Variants in PPP2R2C observed in about 807,000 individuals in gnomAD.
PPP2R2C encodes the protein protein phosphatase 2 regulatory subunit Bgamma.
Under a neutral mutation model 45.3 loss-of-function variants are expected in PPP2R2C, and 10 were observed. The ratio of observed to expected loss-of-function variants is 0.22; its 90% CI spans 0.14 to 0.37. The LOEUF is 0.37. Ranked by LOEUF, PPP2R2C falls within the 10% of genes least tolerant of loss-of-function variation. PPP2R2C has a pLI of 1.00. For missense variants in PPP2R2C, 308 were observed against 619.7 expected (o/e 0.50, Z 5.34); for synonymous variants, 257 against 245.4 (o/e 1.05, Z -0.44).
chr4:6,355,949 G>C (rs376618695), intron 5 of PPP2R2C, among the ~76,000 whole-genome samples: 5 of 139,834 alleles, frequency 3.6e-5, no homozygotes, highest in African/African-American at 1.3e-4. Context: ...AGCTGAGATC[G>C]TGCCACGTAT....
In PPP2R2C at chr4:6,472,428, G is replaced by C. The variant is rs1396814756; in HGVS notation, c.-199C>G. 1 of 647,384 alleles carries C rather than the reference G, an allele frequency of 1.5e-6. No homozygotes were observed. Among genetic ancestry groups the C allele is most frequent in the Non-Finnish European group, 1.9e-6 (1 of 523,910 alleles). 40.1% of individuals were successfully genotyped at this position (647,384 alleles called of 1,614,324 possible). A position where few individuals can be genotyped will look rare whatever the true frequency, so the allele number is the denominator to read the frequency against. ...GGCGCCGCGGTCAAGCGAGCGCGCG[G>C]TGGGCGGGCGGCGGCCGCGGGTTCG... On this transcript the variant is annotated 5_prime_UTR_variant, in exon 1 of 9. Coordinates refer to ENST00000382599, the MANE Select transcript of PPP2R2C (RefSeq NM_020416.4).
chr4:6,329,607 C>T lies in PPP2R2C; in HGVS notation c.961-254G>A, dbSNP rs563147188. On this transcript the variant is annotated intron_variant, in intron 7 of 8. Transcript: ENST00000382599. This position sits in a 1 kb window ranked among gnomAD's most constrained non-coding sequence, Gnocchi z 5.8. ...CCCAATACAGCCCTGCTCATCTTAT[C>T]GGGGGGCCCACGACCAGGCACACGG... Among the ~76,000 whole-genome samples, 20 of 129,322 alleles carry T rather than the reference C, an allele frequency of 1.5e-4. No individual in the cohort carries two copies. The South Asian group carries it at 1.9e-3, about 13-fold the overall frequency. 84.8% of individuals were successfully genotyped at this position (129,322 alleles called of 152,430 possible).
chr4:6,364,313 G>T lies in PPP2R2C; in HGVS notation c.625+8210C>A, dbSNP rs1490988600. ...GGCTGGAAATATGGTGAAGAGCAGG[G>T]GGCCGGGAACGCTGAGCCCAGGGAG... On this transcript the variant is annotated intron_variant, in intron 5 of 8. Transcript: ENST00000382599. This position sits in a 1 kb window ranked among gnomAD's most constrained non-coding sequence, Gnocchi z 5.3. 2.6e-5 allele frequency among the ~76,000 whole-genome samples: 4 copies of T among 152,196 alleles called. No individual in the cohort carries two copies. The highest frequency in any genetic ancestry group is 9.7e-5 in the African/African-American group (4 of 41,442).
chr4:6,419,685 C>T (rs894094899), intron 1 of PPP2R2C, among the ~76,000 whole-genome samples: 7 of 152,150 alleles, frequency 4.6e-5, no homozygotes, highest in African/African-American at 1.7e-4. Context: ...AGCTGGAAAA[C>T]AATCGAACTT....
intron 5 of PPP2R2C, chr4:6,349,557 C>G: frequency 1.0e-6 from 1 of 985,404 alleles, no homozygotes; most frequent in Non-Finnish European, 1.2e-6. Context: ...CAAGCTGCTG[C>G]CTCTCTCAGT....
chr4:6,535,373 T>G (rs1724571459), exon 2 of PPP2R2C: 5 of 1,516,838 alleles, frequency 3.3e-6, no homozygotes, highest in African/African-American at 1.4e-5. Flanking sequence ...CTTTCTATTT[T>G]ACTTCTATAA....
chr4:6,412,311 G>A (rs1718245554), intron 1 of PPP2R2C, among the ~76,000 whole-genome samples: 1 of 152,212 alleles, frequency 6.6e-6, no homozygotes, highest in Non-Finnish European at 1.5e-5. Context: ...GGCTGTGCAA[G>A]AGACTGTAAC....
chr4:6,376,656 G>A (rs551478627), intron 3 of PPP2R2C, among the ~76,000 whole-genome samples: 20 of 152,076 alleles, frequency 1.3e-4, no homozygotes, highest in Admixed American at 2.0e-4. Context: ...GTCTCACCAC[G>A]TTGCCCAGGC....
chr4:6,544,273 C>T (rs1369093869), intron 1 of PPP2R2C, among the ~76,000 whole-genome samples: 1 of 152,220 alleles, frequency 6.6e-6, no homozygotes, highest in African/African-American at 2.4e-5. Flanking sequence ...CTTTCAGTTC[C>T]AGCTACCGGA....
At position 6,330,180 on chromosome 4, in the gene PPP2R2C, C is replaced by T. The variant is rs565988041; in HGVS notation, c.961-827G>A. ...CAGCCGGTCCTACAAGCCCTGTACC[C>T]GGAGGGCCGCATGAGTGCCAGCCCT... On this transcript the variant is annotated intron_variant, in intron 7 of 8. Coordinates refer to ENST00000382599, the MANE Select transcript of PPP2R2C (RefSeq NM_020416.4). The surrounding 1 kb of genome is among the most constrained non-coding windows in gnomAD (Gnocchi z 7.0). Among the ~76,000 whole-genome samples the T allele has an allele frequency of 1.3e-5, 2 of 152,268 alleles. No homozygotes were observed. Among genetic ancestry groups the T allele is most frequent in the South Asian group, 2.1e-4 (1 of 4,828 alleles).
At chr4:6,458,435 A>C (rs1486830007) in intron 1 of PPP2R2C, among the ~76,000 whole-genome samples, 6 of 152,178 alleles carry the variant, frequency 3.9e-5, no homozygotes, top group Non-Finnish European at 7.3e-5. Flanking sequence ...ACATGACAGA[A>C]GGGCAAGGGA....
At chr4:6,450,267 C>T (rs1422427933) in intron 1 of PPP2R2C, among the ~76,000 whole-genome samples, 3 of 152,118 alleles carry the variant, frequency 2.0e-5, no homozygotes, top group Admixed American at 1.3e-4. Flanking sequence ...GGTCGAGATA[C>T]AGGCTGGGGT....
upstream of PPP2R2C, among the ~76,000 whole-genome samples, chr4:6,477,278 A>G (rs549003229): frequency 6.6e-6 from 1 of 152,208 alleles, no homozygotes; most frequent in South Asian, 2.1e-4. Flanking sequence ...GCTGAGTGAT[A>G]GGGTCTGTTT....
At chr4:6,554,926 GGAAGGAAAGAAAGAAA>G (rs1321106821) in intron 1 of PPP2R2C, among the ~76,000 whole-genome samples, 1,209 of 94,772 alleles carry the variant, frequency 0.013, 13 homozygotes, top group African/African-American at 0.03. Context: ...AAGGAAGGAA[GGAAGGAAAGAAAGAAA>G]GAAAGAAAGA....
Position 6,331,138 on chromosome 4 carries a change from C to T in PPP2R2C, c.961-1785G>A, listed in dbSNP as rs559470176. 2.2e-4 allele frequency among the ~76,000 whole-genome samples: 33 copies of T among 152,254 alleles called. No homozygotes were observed. The highest frequency in any genetic ancestry group is 7.2e-4 in the African/African-American group (30 of 41,546). ...CCCCGGCTCTGCATTTTTGTGTGTCCTCCTTACTCAGCTCCCAGCAGCCTT... is the reference window on the plus strand; with the variant it reads ...CCCCGGCTCTGCATTTTTGTGTGTCTTCCTTACTCAGCTCCCAGCAGCCTT... On this transcript the variant is annotated intron_variant, in intron 7 of 8. Transcript: ENST00000382599. This position sits in a 1 kb window ranked among gnomAD's most constrained non-coding sequence, Gnocchi z 5.9.
Position 6,375,684 on chromosome 4 carries a change from G to C in PPP2R2C, c.447+135C>G, listed in dbSNP as rs574918807. ...TGAGGCAAGGGGCAGGAAGACGCCC[G>C]TGGCCGCCCAGCAGCCAGCAGCCCA... On this transcript the variant is annotated intron_variant, in intron 4 of 8. Transcript: ENST00000382599. 6 of 697,418 alleles carry C rather than the reference G, an allele frequency of 8.6e-6. No homozygotes were observed. The Admixed American group carries it at 1.7e-4, about 20-fold the overall frequency. 43.2% of individuals were successfully genotyped at this position (697,418 alleles called of 1,614,324 possible). A position where few individuals can be genotyped will look rare whatever the true frequency, so the allele number is the denominator to read the frequency against.
intron 2 of PPP2R2C, among the ~76,000 whole-genome samples, chr4:6,499,588 A>C (rs1232092698): frequency 6.6e-6 from 1 of 152,156 alleles, no homozygotes; most frequent in Non-Finnish European, 1.5e-5. Context: ...ACGAAAATGC[A>C]TCAAGGGCTC....
intron 2 of PPP2R2C, among the ~76,000 whole-genome samples, chr4:6,516,520 G>T (rs778379743): frequency 3.3e-5 from 5 of 152,282 alleles, no homozygotes; most frequent in African/African-American, 1.2e-4. Flanking sequence ...CAGGCCATCC[G>T]TCCATCTGTC....
At chr4:6,527,108 G>A (rs933857476) in intron 2 of PPP2R2C, among the ~76,000 whole-genome samples, 1 of 149,188 alleles carries the variant, frequency 6.7e-6, no homozygotes, top group African/African-American at 2.5e-5. Flanking sequence ...ATCCCAGGCA[G>A]CCTCAGCCAC....
Sources: gnomAD v4.1 joint callset for allele counts (sites outside exome capture counted in the v4.1 genomes callset) on GRCh38, gnomAD v4.1.1 for gene constraint, Gnocchi (gnomAD v3.1) non-coding constraint, MANE v1.5 for transcripts, NCBI Gene and HGNC (gene_info 2026-07-23, HGNC 2026-07-21) for gene names.